Variants in GLRA3 observed in about 807,000 individuals in gnomAD.
The protein encoded by GLRA3 is glycine receptor alpha 3.
GLRA3 carries 44 observed loss-of-function variants against 60.4 expected under a neutral mutation model. That is an observed-to-expected ratio of 0.73 (90% CI 0.57 to 0.94). GLRA3 has a LOEUF of 0.94. Among genes scored for constraint, GLRA3 ranks in the 40% least tolerant of loss-of-function variants. GLRA3 has a pLI of 0.00. For synonymous variants in GLRA3, 223 were observed against 192.9 expected (o/e 1.16, Z -1.29); for missense variants, 508 against 564.6 (o/e 0.90, Z 1.02).
At position 174,662,648 on chromosome 4, in the gene GLRA3, A is replaced by G. The variant is rs781700747; in HGVS notation, c.928-3451T>C. On this transcript the variant is annotated intron_variant, in intron 7 of 9. Transcript: ENST00000274093. ...GGATAAGTGGCTCAACATTTGGGGG[A>G]AAGTTAGGGTGGCAGGAGTGGTAAA... Among the ~76,000 whole-genome samples, 56 of 152,236 alleles carry G rather than the reference A, an allele frequency of 3.7e-4. 1 individual carries two copies. The highest frequency in any genetic ancestry group is 6.6e-4 in the Non-Finnish European group (45 of 68,020).
chr4:174,786,398 G>A (rs1739131806), intron 2 of GLRA3, among the ~76,000 whole-genome samples: 1 of 152,042 alleles, frequency 6.6e-6, no homozygotes, highest in Non-Finnish European at 1.5e-5. Context: ...TTTGCCTGAG[G>A]TGAGGTGGGC....
intron 1 of GLRA3, among the ~76,000 whole-genome samples, chr4:174,822,256 C>G (rs1193001996): frequency 6.6e-6 from 1 of 152,114 alleles, no homozygotes; most frequent in Non-Finnish European, 1.5e-5. Flanking sequence ...AGGTAGAATG[C>G]CATGGGCTCT....
chr4:174,638,716 G>GCTTA lies in GLRA3; in HGVS notation c.*5069_*5070insTAAG, dbSNP rs1420475232. Reference sequence around the variant, plus strand: ...TTATTAAGAGAATAAGCTTGTGTAAGTTCACACGAATTCTCTCACTTCTGG... The same window carrying GCTTA: ...TTATTAAGAGAATAAGCTTGTGTAAGCTTATTCACACGAATTCTCTCACTTCTGG... On this transcript the variant is annotated 3_prime_UTR_variant, in exon 10 of 10. Transcript: ENST00000274093. 18 of 152,168 alleles carry GCTTA rather than the reference G, an allele frequency of 1.2e-4. No homozygotes were observed. The highest frequency in any genetic ancestry group is 3.9e-4 in the African/African-American group (16 of 41,440). The allele number at this position is 152,168 out of a possible 1,614,324, so 9.4% of individuals were successfully genotyped here.
At chr4:174,691,582 C>T (rs931916280) in intron 5 of GLRA3, among the ~76,000 whole-genome samples, 20 of 152,310 alleles carry the variant, frequency 1.3e-4, no homozygotes, top group Middle Eastern at 3.4e-3. Flanking sequence ...TTGGTGGAGA[C>T]GGGGTTTCGC....
At chr4:174,727,798 T>G (rs1256957256) in intron 4 of GLRA3, among the ~76,000 whole-genome samples, 3 of 151,294 alleles carry the variant, frequency 2.0e-5, no homozygotes, top group African/African-American at 4.8e-5. Flanking sequence ...CAATATTGGG[T>G]TTTTTTTAAT....
At chr4:174,699,301 C>T (rs1181229079) in intron 5 of GLRA3, among the ~76,000 whole-genome samples, 1 of 152,144 alleles carries the variant, frequency 6.6e-6, no homozygotes, top group Non-Finnish European at 1.5e-5. Context: ...CATGTCTGGC[C>T]ATAATTACTT....
Position 174,642,894 on chromosome 4 carries a change from A to G in GLRA3, c.*892T>C. The stretch of plus-strand genomic sequence containing the variant: ...CCATTGAATTTTAAAGTCACATTCT[A>G]AACTAAAATATAAAAGTCTTACTGA... On this transcript the variant is annotated 3_prime_UTR_variant, in exon 10 of 10. Coordinates refer to ENST00000274093, the MANE Select transcript of GLRA3 (RefSeq NM_006529.4). 1 of 727,218 alleles carries G rather than the reference A, an allele frequency of 1.4e-6. No individual in the cohort carries two copies. The highest frequency in any genetic ancestry group is 1.7e-6 in the Non-Finnish European group (1 of 594,790). The allele number at this position is 727,218 out of a possible 1,614,324, so 45.0% of individuals were successfully genotyped here.
intron 3 of GLRA3, among the ~76,000 whole-genome samples, chr4:174,732,130 G>T (rs1319105398): frequency 6.6e-6 from 1 of 152,194 alleles, no homozygotes; most frequent in Non-Finnish European, 1.5e-5. Context: ...GCCGAGGTGG[G>T]CGGATCACGA....
At chr4:174,755,691 T>C (rs1411493332) in intron 3 of GLRA3, among the ~76,000 whole-genome samples, 2 of 151,968 alleles carry the variant, frequency 1.3e-5, no homozygotes, top group Admixed American at 6.6e-5. Context: ...CACAGAAATA[T>C]AAAGAGATAT....
At chr4:174,670,562 A>T in intron 7 of GLRA3, among the ~76,000 whole-genome samples, 1 of 152,162 alleles carries the variant, frequency 6.6e-6, no homozygotes, top group East Asian at 1.9e-4. Context: ...TTTTAAACTT[A>T]GTTTGATGTC....
chr4:174,736,629 T>C (rs566485636), intron 3 of GLRA3, among the ~76,000 whole-genome samples: 1 of 152,338 alleles, frequency 6.6e-6, no homozygotes, highest in African/African-American at 2.4e-5. Flanking sequence ...GGTTTTATGG[T>C]ACATTTAAGA....
chr4:174,789,535 C>A (rs1006608435), intron 1 of GLRA3, among the ~76,000 whole-genome samples: 2 of 152,104 alleles, frequency 1.3e-5, no homozygotes, highest in Non-Finnish European at 2.9e-5. Flanking sequence ...ATTTGTGTGT[C>A]AAGATTGAGA....
rs545530500 is a variant in GLRA3, at chr4:174,713,016, T to C, written c.574+2472A>G. On this transcript the variant is annotated intron_variant, in intron 5 of 9. Coordinates refer to ENST00000274093, the MANE Select transcript of GLRA3 (RefSeq NM_006529.4). ...TGTGAGTGTGTGTATGTATATGTAA[T>C]TGTCCTAAAAAAGTTTTAAGAAAAA... 2.6e-5 allele frequency among the ~76,000 whole-genome samples: 4 copies of C among 151,992 alleles called. No individual in the cohort carries two copies. The South Asian group carries it at 6.2e-4, about 24-fold the overall frequency.
chr4:174,740,404 G>T (rs1359473305), intron 3 of GLRA3, among the ~76,000 whole-genome samples: 1 of 152,086 alleles, frequency 6.6e-6, no homozygotes, highest in Non-Finnish European at 1.5e-5. Context: ...AACAGTCCCA[G>T]CTGGGTCCAG....
intron 4 of GLRA3, among the ~76,000 whole-genome samples, chr4:174,719,586 T>A (rs1228901572): frequency 6.6e-6 from 1 of 152,198 alleles, no homozygotes; most frequent in African/African-American, 2.4e-5. Flanking sequence ...TGGTATATGA[T>A]TATGAATGAT....
intron 4 of GLRA3, among the ~76,000 whole-genome samples, chr4:174,720,317 T>G (rs1020779760): frequency 2.0e-5 from 3 of 152,226 alleles, no homozygotes; most frequent in African/African-American, 7.2e-5. Flanking sequence ...TTATGGATTC[T>G]GTAAAAAAAC....
chr4:174,654,645 C>T (rs1018646557), intron 9 of GLRA3, among the ~76,000 whole-genome samples: 2 of 152,028 alleles, frequency 1.3e-5, no homozygotes, highest in Non-Finnish European at 2.9e-5. Context: ...TGCATTAAAG[C>T]AATCTCATTT....
intron 7 of GLRA3, among the ~76,000 whole-genome samples, chr4:174,665,208 T>C: frequency 6.6e-6 from 1 of 150,802 alleles, no homozygotes. Flanking sequence ...ATTGACAAGC[T>C]CCACTCTGCC....
At chr4:174,815,501 G>A (rs1056334168) in intron 1 of GLRA3, among the ~76,000 whole-genome samples, 20 of 152,130 alleles carry the variant, frequency 1.3e-4, no homozygotes, top group Admixed American at 2.6e-4. Context: ...TGAGGGCTCC[G>A]CACCTGCAGC....
Sources: gnomAD v4.1 joint callset for allele counts (sites outside exome capture counted in the v4.1 genomes callset) on GRCh38, gnomAD v4.1.1 for gene constraint, MANE v1.5 for transcripts, NCBI Gene and HGNC (gene_info 2026-07-23, HGNC 2026-07-21) for gene names.